Variants in QTGAL observed in about 807,000 individuals in gnomAD.
QTGAL encodes queuosine-tRNA galactosyltransferase.
chr17:83,006,312 T>C, the QTGAL span: 1 of 985,512 alleles, frequency 1.0e-6, no homozygotes, highest in South Asian at 4.7e-5. The surrounding 1 kb of genome is among the most constrained non-coding windows in gnomAD (Gnocchi z 5.8). Context: ...AGTGATTCTT[T>C]TCTACCAATG....
chr17:82,970,656 C>T, the QTGAL span, among the ~76,000 whole-genome samples: 3,615 of 38,254 alleles, frequency 0.094, 856 homozygotes, highest in African/African-American at 0.21. Context: ...GGTGTGGCCG[C>T]GACCTCCGCA....
chr17:82,977,689 C>T, the QTGAL span, among the ~76,000 whole-genome samples: 1 of 152,046 alleles, frequency 6.6e-6, no homozygotes, highest in Non-Finnish European at 1.5e-5. Flanking sequence ...GAAAATCACA[C>T]AGAATCTGTG....
chr17:82,946,282 A>G, the QTGAL span, among the ~76,000 whole-genome samples: 1 of 152,260 alleles, frequency 6.6e-6, no homozygotes, highest in Non-Finnish European at 1.5e-5. Context: ...ATGTGAATGG[A>G]TTAAAACCTC....
the QTGAL span, chr17:83,007,291 T>C: frequency 1.0e-5 from 10 of 985,276 alleles, no homozygotes; most frequent in Non-Finnish European, 1.2e-5. Context: ...CCCAGCGAGT[T>C]TTCCCCACAC....
the QTGAL span, among the ~76,000 whole-genome samples, chr17:83,028,246 C>T: frequency 2.0e-5 from 3 of 151,948 alleles, no homozygotes; most frequent in African/African-American, 4.8e-5. Flanking sequence ...CTCACCAGGC[C>T]GGGCGCGGTG....
the QTGAL span, among the ~76,000 whole-genome samples, chr17:83,031,473 G>A: frequency 1.3e-5 from 2 of 152,014 alleles, no homozygotes; most frequent in African/African-American, 2.4e-5. Flanking sequence ...ACTCAGCGAC[G>A]GCTGCCCGAG....
At chr17:82,991,954 G>C in the QTGAL span, among the ~76,000 whole-genome samples, 1 of 152,098 alleles carries the variant, frequency 6.6e-6, no homozygotes, top group East Asian at 1.9e-4. Flanking sequence ...TAGCAGAATT[G>C]ATCAAGCAGA....
chr17:83,041,076 A>AT, the QTGAL span, among the ~76,000 whole-genome samples: 4 of 97,376 alleles, frequency 4.1e-5, no homozygotes, highest in Non-Finnish European at 1.0e-4. Flanking sequence ...AAAAAAAAAA[A>AT]AAAAAAATGG....
chr17:82,946,712 G>T, the QTGAL span, among the ~76,000 whole-genome samples: 5 of 152,168 alleles, frequency 3.3e-5, no homozygotes, highest in Non-Finnish European at 5.9e-5. Context: ...GTGCTTAAGC[G>T]ATTCTGAAGT....
the QTGAL span, chr17:82,957,150 C>A: frequency 1.8e-4 from 291 of 1,613,822 alleles, 1 homozygote; most frequent in Non-Finnish European, 3.8e-5. Context: ...GGTGGTTGAC[C>A]CCAAGGGTGA....
the QTGAL span, among the ~76,000 whole-genome samples, chr17:82,970,556 G>GACTGACCT: frequency 1.4e-5 from 2 of 141,226 alleles, no homozygotes; most frequent in Non-Finnish European, 3.0e-5. Context: ...ACCCGGCGTG[G>GACTGACCT]CCGCGACCTC....
chr17:82,947,624 G>A, the QTGAL span: 8 of 152,596 alleles, frequency 5.2e-5, no homozygotes, highest in South Asian at 4.1e-4. Context: ...AAGACAGCCC[G>A]GCAGAGTGGT....
At chr17:83,039,554 C>T in the QTGAL span, among the ~76,000 whole-genome samples, 4,337 of 112,744 alleles carry the variant, frequency 0.038, 599 homozygotes, top group African/African-American at 0.18. Context: ...GCTGGGCGCC[C>T]GCCGCCCGAA....
chr17:83,036,997 C>T, the QTGAL span, among the ~76,000 whole-genome samples: 1 of 152,068 alleles, frequency 6.6e-6, no homozygotes, highest in African/African-American at 2.4e-5. Context: ...GAGGAGGCTC[C>T]AAGGGGCAGG....
the QTGAL span, among the ~76,000 whole-genome samples, chr17:82,968,166 C>T: frequency 6.6e-6 from 1 of 151,968 alleles, no homozygotes; most frequent in Non-Finnish European, 1.5e-5. Context: ...TTCACGGCAG[C>T]CCCAGCACCC....
the QTGAL span, among the ~76,000 whole-genome samples, chr17:82,967,105 C>G: frequency 6.6e-6 from 1 of 152,170 alleles, no homozygotes; most frequent in East Asian, 1.9e-4. Flanking sequence ...GTAGGGAAGT[C>G]CACCTAACGG....
At chr17:83,007,515 A>G in the QTGAL span, among the ~76,000 whole-genome samples, 2 of 152,176 alleles carry the variant, frequency 1.3e-5, no homozygotes, top group African/African-American at 4.8e-5. Context: ...GAGGCTCAGC[A>G]TCTACACACA....
the QTGAL span, among the ~76,000 whole-genome samples, chr17:82,984,995 C>T: frequency 1.6e-4 from 25 of 152,254 alleles, no homozygotes; most frequent in African/African-American, 5.8e-4. Context: ...CCTGGGAAGC[C>T]GGGTGGCGGT....
At chr17:82,970,514 T>TCCTCCGCACACAGCGTGGCCGCGA in the QTGAL span, among the ~76,000 whole-genome samples, 1 of 56,576 alleles carries the variant, frequency 1.8e-5, no homozygotes. Context: ...CAAACACAGG[T>TCCTCCGCACACAGCGTGGCCGCGA]CCTCCCCACC....
Sources: allele counts gnomAD v4.1 joint callset (sites outside exome capture counted in the v4.1 genomes callset), GRCh38; gene constraint gnomAD v4.1.1; non-coding constraint Gnocchi (gnomAD v3.1); transcripts MANE v1.5; gene names NCBI Gene and HGNC (gene_info 2026-07-23, HGNC 2026-07-21).